Variants in LRRTM4 observed in about 807,000 individuals in gnomAD.
LRRTM4 encodes the protein leucine rich repeat transmembrane neuronal 4, also known as leucine-rich repeat transmembrane neuronal protein 4.
A neutral mutation model predicts 47.6 loss-of-function variants in LRRTM4; 25 were observed. That is an observed-to-expected ratio of 0.53 (90% confidence interval 0.38 to 0.73). The LOEUF is 0.73. Ranked by LOEUF, LRRTM4 falls within the 30% of genes least tolerant of loss-of-function variation. LRRTM4 has a pLI of 0.00. For synonymous variants in LRRTM4, 311 were observed against 269.5 expected (o/e 1.15, Z -1.51); for missense variants, 638 against 713.4 (o/e 0.89, Z 1.20).
At chr2:77,082,220 T>C (rs1381282831) in intron 3 of LRRTM4, among the ~76,000 whole-genome samples, 2 of 152,128 alleles carry the variant, frequency 1.3e-5, no homozygotes, top group Admixed American at 1.3e-4. Flanking sequence ...TGTGCCCTTT[T>C]GGATTTTGAT....
intron 3 of LRRTM4, among the ~76,000 whole-genome samples, chr2:77,143,857 A>C (rs1272419949): frequency 6.6e-6 from 1 of 152,186 alleles, no homozygotes; most frequent in Non-Finnish European, 1.5e-5. Context: ...CCAAGTCCTG[A>C]TACTGCCTGT....
intron 3 of LRRTM4, among the ~76,000 whole-genome samples, chr2:77,357,575 C>A (rs770152856): frequency 7.2e-5 from 11 of 152,068 alleles, no homozygotes; most frequent in Non-Finnish European, 1.0e-4. Context: ...TTTGCCAAAC[C>A]AAATTTGATT....
intron 3 of LRRTM4, among the ~76,000 whole-genome samples, chr2:77,174,112 G>A (rs1241666980): frequency 6.6e-6 from 1 of 151,960 alleles, no homozygotes; most frequent in African/African-American, 2.4e-5. Flanking sequence ...ACCCCATCCA[G>A]CCCTGCCCAC....
intron 3 of LRRTM4, among the ~76,000 whole-genome samples, chr2:77,119,180 A>G (rs1671463478): frequency 6.6e-6 from 1 of 151,852 alleles, no homozygotes; most frequent in African/African-American, 2.4e-5. Flanking sequence ...TGTTAGTGGT[A>G]TACCTACCAC....
At chr2:76,759,769 T>C (rs1673185047) in intron 3 of LRRTM4, among the ~76,000 whole-genome samples, 2 of 152,090 alleles carry the variant, frequency 1.3e-5, no homozygotes, top group Non-Finnish European at 2.9e-5. Context: ...TCCAACCCCA[T>C]TTTTCTGCAA....
Position 76,922,794 on chromosome 2 carries a change from C to G in LRRTM4, c.1552-173878G>C, listed in dbSNP as rs145979639. Among the ~76,000 whole-genome samples, 1,319 of 152,048 alleles carry G rather than the reference C, an allele frequency of 8.7e-3. 27 individuals are homozygous for G. The highest frequency in any genetic ancestry group is 0.029 in the African/African-American group (1,208 of 41,462). ...GTCTCACCACATATGCAAATGGTAA[C>G]CAACATATATTGCAGCCATGATGTA... On this transcript the variant is annotated intron_variant, in intron 3 of 3. Coordinates refer to ENST00000409884, the MANE Select transcript of LRRTM4 (RefSeq NM_001134745.3).
At chr2:77,396,994 G>C (rs1673730204) in intron 3 of LRRTM4, among the ~76,000 whole-genome samples, 2 of 151,862 alleles carry the variant, frequency 1.3e-5, no homozygotes, top group South Asian at 4.1e-4. Context: ...ACGATTAACA[G>C]ATGGCTTGAC....
chr2:77,093,030 G>T (rs577127649), intron 3 of LRRTM4, among the ~76,000 whole-genome samples: 1 of 145,980 alleles, frequency 6.9e-6, no homozygotes, highest in Non-Finnish European at 1.5e-5. Context: ...CTTTATAGAC[G>T]CTCCTTTTAT....
chr2:76,845,844 A>G (rs1325066492), intron 3 of LRRTM4, among the ~76,000 whole-genome samples: 4 of 152,016 alleles, frequency 2.6e-5, no homozygotes, highest in Non-Finnish European at 4.4e-5. Flanking sequence ...TGCCCTAGGG[A>G]GAGGGGAAGT....
chr2:77,207,795 G>A (rs1055117187), intron 3 of LRRTM4, among the ~76,000 whole-genome samples: 6 of 149,726 alleles, frequency 4.0e-5, no homozygotes, highest in Non-Finnish European at 8.9e-5. Context: ...TTTCCATTGG[G>A]ATGGAAGAGT....
intron 3 of LRRTM4, among the ~76,000 whole-genome samples, chr2:76,983,183 A>T (rs1454055245): frequency 6.6e-6 from 1 of 152,078 alleles, no homozygotes; most frequent in Non-Finnish European, 1.5e-5. Flanking sequence ...CAGTAACGTT[A>T]TAATAAACCT....
At chr2:77,183,386 A>G (rs1673405579) in intron 3 of LRRTM4, among the ~76,000 whole-genome samples, 1 of 152,330 alleles carries the variant, frequency 6.6e-6, no homozygotes, top group South Asian at 2.1e-4. Context: ...AAGAGATACC[A>G]TCTCACACCA....
intron 3 of LRRTM4, among the ~76,000 whole-genome samples, chr2:77,005,279 G>T (rs191995936): frequency 6.6e-6 from 1 of 152,024 alleles, no homozygotes; most frequent in Non-Finnish European, 1.5e-5. Flanking sequence ...TGAGTAGCTG[G>T]GATTATACAT....
intron 3 of LRRTM4, among the ~76,000 whole-genome samples, chr2:77,415,502 T>C (rs1429161343): frequency 6.6e-6 from 1 of 152,176 alleles, no homozygotes; most frequent in Non-Finnish European, 1.5e-5. Context: ...TCAATTAAAT[T>C]ATTTAAAAGT....
At chr2:77,405,669 C>CA (rs1674154440) in intron 3 of LRRTM4, among the ~76,000 whole-genome samples, 1 of 151,814 alleles carries the variant, frequency 6.6e-6, no homozygotes, top group African/African-American at 2.4e-5. Context: ...ACTCCTGAAA[C>CA]AAAAAAAGTG....
At chr2:76,960,282 G>C (rs779448851) in intron 3 of LRRTM4, among the ~76,000 whole-genome samples, 2 of 151,586 alleles carry the variant, frequency 1.3e-5, no homozygotes, top group Non-Finnish European at 3.0e-5. Context: ...AGAGATAACA[G>C]TATATGTATT....
intron 3 of LRRTM4, among the ~76,000 whole-genome samples, chr2:77,423,202 G>A (rs1053715538): frequency 2.4e-4 from 36 of 151,746 alleles, no homozygotes; most frequent in African/African-American, 8.7e-4. Flanking sequence ...TACCATTTAA[G>A]TTTTTTCTAC....
chr2:77,010,137 G>A (rs1677814444), intron 3 of LRRTM4, among the ~76,000 whole-genome samples: 1 of 151,666 alleles, frequency 6.6e-6, no homozygotes, highest in African/African-American at 2.4e-5. Flanking sequence ...CTATTTTTGT[G>A]GTGAGAACAC....
intron 3 of LRRTM4, among the ~76,000 whole-genome samples, chr2:76,962,650 T>G (rs1573374320): frequency 6.6e-6 from 1 of 150,562 alleles, no homozygotes. Flanking sequence ...TATAAGCAAA[T>G]TCAGTAATAT....
Sources: allele counts gnomAD v4.1 joint callset (sites outside exome capture counted in the v4.1 genomes callset), GRCh38; gene constraint gnomAD v4.1.1; transcripts MANE v1.5; gene names NCBI Gene and HGNC (gene_info 2026-07-23, HGNC 2026-07-21).